Variants in FRMD4B observed in about 807,000 individuals in gnomAD.
FRMD4B encodes FERM domain-containing protein 4B.
Under a neutral mutation model 141.5 loss-of-function variants are expected in FRMD4B, and 74 were observed. The ratio of observed to expected loss-of-function variants is 0.52; its 90% confidence interval spans 0.43 to 0.63. The LOEUF is 0.63. Among genes scored for constraint, FRMD4B ranks in the 30% least tolerant of loss-of-function variants. The pLI, the probability that FRMD4B is intolerant of heterozygous loss-of-function variation, is 0.00. For missense variants in FRMD4B, 1,366 were observed against 1,253.4 expected, an observed-to-expected ratio of 1.09 and a Z score of -1.36; for synonymous variants, 506 against 467.9, an observed-to-expected ratio of 1.08 and a Z score of -1.05.
intron 1 of FRMD4B, among the ~76,000 whole-genome samples, chr3:69,520,007 TATATATATATATATATATTCCATC>T (rs1161344127): frequency 2.4e-5 from 3 of 127,226 alleles, no homozygotes; most frequent in East Asian, 4.4e-4. Flanking sequence ...CATATATATA[TATATATATATATATATATTCCATC>T]ATATATATAT....
intron 1 of FRMD4B, among the ~76,000 whole-genome samples, chr3:69,433,870 G>A (rs182469337): frequency 3.9e-4 from 59 of 152,250 alleles, no homozygotes; most frequent in Admixed American, 2.6e-3. Context: ...TGATCTCTCA[G>A]TGAAACATTA....
Position 69,233,081 on chromosome 3 carries a change from C to T in FRMD4B, c.582-8391G>A, listed in dbSNP as rs148855595. On this transcript the variant is annotated intron_variant, in intron 7 of 22. Coordinates refer to ENST00000398540, the MANE Select transcript of FRMD4B (RefSeq NM_015123.3). ...TTTCACTTTTCTTCTCCAAGCAAAG[C>T]GCTTCCTTACCTGAAACCCAAACCA... Among the ~76,000 whole-genome samples the T allele has an allele frequency of 1.3e-3, 204 of 151,854 alleles. 1 individual carries two copies. Among genetic ancestry groups the T allele is most frequent in the African/African-American group, 4.7e-3 (195 of 41,476 alleles).
chr3:69,295,533 G>A (rs534119883), intron 4 of FRMD4B, among the ~76,000 whole-genome samples: 1 of 152,156 alleles, frequency 6.6e-6, no homozygotes, highest in South Asian at 2.1e-4. Context: ...TGATGCCCAG[G>A]CTGGACTTGA....
upstream of FRMD4B, among the ~76,000 whole-genome samples, chr3:69,388,549 T>G (rs1475832688): frequency 6.6e-6 from 1 of 152,132 alleles, no homozygotes; most frequent in Non-Finnish European, 1.5e-5. Flanking sequence ...GATTAGGAGC[T>G]AAATCTTCTA....
At chr3:69,527,125 G>T (rs911360163) in intron 1 of FRMD4B, among the ~76,000 whole-genome samples, 1 of 152,072 alleles carries the variant, frequency 6.6e-6, no homozygotes, top group Non-Finnish European at 1.5e-5. Context: ...CCCCCATTCA[G>T]CTGTGACACA....
chr3:69,487,466 A>C (rs1706233857), intron 1 of FRMD4B, among the ~76,000 whole-genome samples: 1 of 152,220 alleles, frequency 6.6e-6, no homozygotes, highest in Admixed American at 6.5e-5. Context: ...AACCCAGCCT[A>C]TCTGGAAGAG....
At chr3:69,219,024 G>A (rs2093168319) in intron 9 of FRMD4B, among the ~76,000 whole-genome samples, 1 of 152,058 alleles carries the variant, frequency 6.6e-6, no homozygotes, top group Non-Finnish European at 1.5e-5. Flanking sequence ...AATTAGCTGG[G>A]TGTGGTGGCG....
intron 2 of FRMD4B, among the ~76,000 whole-genome samples, chr3:69,420,416 C>A (rs545875017): frequency 1.3e-5 from 2 of 151,962 alleles, no homozygotes; most frequent in Non-Finnish European, 2.9e-5. Flanking sequence ...AATAGCCCTA[C>A]AAAGTAAGCG....
intron 5 of FRMD4B, among the ~76,000 whole-genome samples, chr3:69,286,600 G>A (rs1429161076): frequency 7.2e-6 from 1 of 138,056 alleles, no homozygotes. Context: ...CAGGTATACA[G>A]TCTGGATAGG....
At chr3:69,273,794 G>T (rs1428761187) in intron 5 of FRMD4B, among the ~76,000 whole-genome samples, 2 of 152,082 alleles carry the variant, frequency 1.3e-5, no homozygotes, top group African/African-American at 4.8e-5. Context: ...TAGTGCAGTT[G>T]CGAGGAGTGA....
intron 7 of FRMD4B, among the ~76,000 whole-genome samples, chr3:69,247,774 A>C (rs2093434630): frequency 6.6e-6 from 1 of 152,082 alleles, no homozygotes. Context: ...ACAGCTTCCC[A>C]AGTAGCTGGG....
chr3:69,234,532 G>C (rs2093331886), intron 7 of FRMD4B, among the ~76,000 whole-genome samples: 1 of 152,144 alleles, frequency 6.6e-6, no homozygotes. Context: ...GTTTCTTTCA[G>C]TTATTTGTAG....
chr3:69,330,533 G>C (rs34270248), intron 1 of FRMD4B, among the ~76,000 whole-genome samples: 1 of 151,548 alleles, frequency 6.6e-6, no homozygotes, highest in Admixed American at 6.6e-5. Context: ...TTTTAGTAGA[G>C]ACAGGGTTTC....
chr3:69,315,036 T>C, intron 1 of FRMD4B, among the ~76,000 whole-genome samples: 1 of 152,030 alleles, frequency 6.6e-6, no homozygotes, highest in South Asian at 2.1e-4. Context: ...AGACCTCATC[T>C]CTTAAAATAA....
rs77993052 is a variant in FRMD4B, at chr3:69,217,350, G to A, written c.789+972C>T. On this transcript the variant is annotated intron_variant, in intron 10 of 22. Transcript: ENST00000398540. The stretch of plus-strand genomic sequence containing the variant: ...AAAGTTAAATTGGAGGCCAGGCGTG[G>A]TGGTTCATGCCTGTAATCCCAGCAC... Among the ~76,000 whole-genome samples the A allele has an allele frequency of 1.6e-3, 250 of 152,320 alleles. 2 individuals carry two copies. The highest frequency in any genetic ancestry group is 5.8e-3 in the African/African-American group (240 of 41,576).
At chr3:69,346,460 A>C (rs1454026296) in intron 1 of FRMD4B, among the ~76,000 whole-genome samples, 6 of 152,174 alleles carry the variant, frequency 3.9e-5, no homozygotes, top group Non-Finnish European at 7.3e-5. Context: ...GCCAACCTTC[A>C]AATTCAGGAA....
intron 1 of FRMD4B, among the ~76,000 whole-genome samples, chr3:69,527,640 C>T (rs1327345776): frequency 6.6e-6 from 1 of 152,152 alleles, no homozygotes; most frequent in African/African-American, 2.4e-5. Context: ...ATTGCAGGAG[C>T]ATAATCTTTC....
intron 1 of FRMD4B, among the ~76,000 whole-genome samples, chr3:69,492,015 C>T (rs1425729784): frequency 1.3e-5 from 2 of 152,204 alleles, no homozygotes; most frequent in East Asian, 3.8e-4. Context: ...AGACAGTCGG[C>T]CAAGAGCAAG....
intron 1 of FRMD4B, among the ~76,000 whole-genome samples, chr3:69,495,142 T>C (rs1706363586): frequency 6.6e-6 from 1 of 152,132 alleles, no homozygotes; most frequent in South Asian, 2.1e-4. Context: ...TGGTTGGTGT[T>C]AAGTTCCCTA....
Sources: gnomAD v4.1 joint callset for allele counts (sites outside exome capture counted in the v4.1 genomes callset) on GRCh38, gnomAD v4.1.1 for gene constraint, MANE v1.5 for transcripts, NCBI Gene and HGNC (gene_info 2026-07-23, HGNC 2026-07-21) for gene names.